Variants in PDIA5 observed in about 807,000 individuals in gnomAD.
The protein encoded by PDIA5 is protein disulfide-isomerase A5.
Under a neutral mutation model 77.6 loss-of-function variants are expected in PDIA5, and 58 were observed. The ratio of observed to expected loss-of-function variants is 0.75; its 90% CI spans 0.61 to 0.93. The LOEUF (loss-of-function observed/expected upper bound fraction) is 0.93, where lower values mean the gene tolerates loss of function less well. Ranked by LOEUF, PDIA5 falls within the 40% of genes least tolerant of loss-of-function variation. The pLI is 0.00. For missense variants in PDIA5, 630 were observed against 647.7 expected (o/e 0.97, Z 0.30); for synonymous variants, 250 against 252.1 (o/e 0.99, Z 0.08).
chr3:123,106,539 A>T (rs1319970229), intron 5 of PDIA5, among the ~76,000 whole-genome samples: 1 of 152,094 alleles, frequency 6.6e-6, no homozygotes, highest in Non-Finnish European at 1.5e-5. Flanking sequence ...GCCCGATGGG[A>T]GTGGTGGAGG....
chr3:123,148,448 A>G (rs1182860016), intron 13 of PDIA5, among the ~76,000 whole-genome samples: 2 of 152,062 alleles, frequency 1.3e-5, no homozygotes, highest in Non-Finnish European at 2.9e-5. Context: ...GTGCGCCTAT[A>G]GTCCCAGCAC....
intron 10 of PDIA5, 23 bp downstream of exon 10, chr3:123,124,366 A>G (rs956825341): frequency 1.3e-6 from 2 of 1,552,916 alleles, no homozygotes; most frequent in Admixed American, 3.3e-5. Context: ...TGTGTGTGTC[A>G]GTGGGCGTGG....
chr3:123,089,220 G>T lies in PDIA5; in HGVS notation c.95G>T (p.Arg32Ile). Residue 32 changes from arginine (R) to isoleucine (I), a missense_variant, in exon 2 of 17, where the codon AGA becomes ATA. Coordinates refer to ENST00000316218, the MANE Select transcript of PDIA5 (RefSeq NM_006810.4). Reference protein sequence around the residue: ...SSAKVSSLIERISDPKDLKKL... With the variant: ...SSAKVSSLIEIISDPKDLKKL... ...GCAAAGGTCTCCTCGCTCATTGAGAGAATCTCTGACCCCAAGGACTTGAAA... is the reference window on the plus strand; with the variant it reads ...GCAAAGGTCTCCTCGCTCATTGAGATAATCTCTGACCCCAAGGACTTGAAA... The T allele has an allele frequency of 6.2e-7, 1 of 1,613,998 alleles. No homozygotes were observed. Among genetic ancestry groups the T allele is most frequent in the Non-Finnish European group, 8.5e-7 (1 of 1,179,820 alleles).
Position 123,089,338 on chromosome 3 carries a change from A to G in PDIA5, c.169+44A>G, listed in dbSNP as rs200087501. The stretch of plus-strand genomic sequence containing the variant: ...CCTTGAGGTCAACCATCGGGGTAGG[A>G]TGGGATTCAGGGGAAGGAGTGGGAG... On this transcript the variant is annotated intron_variant, in intron 2 of 16. Coordinates refer to ENST00000316218, the MANE Select transcript of PDIA5 (RefSeq NM_006810.4). The G allele has an allele frequency of 1.0e-4, 164 of 1,603,320 alleles. No homozygotes were observed. In the East Asian group the frequency reaches 3.3e-3, roughly 33 times the overall value.
At chr3:123,131,192 C>T (rs1214808478) in intron 11 of PDIA5, among the ~76,000 whole-genome samples, 6 of 152,086 alleles carry the variant, frequency 3.9e-5, no homozygotes, top group Admixed American at 3.9e-4. Context: ...ATTGCTTGAG[C>T]CTGGGAGGTT....
intron 6 of PDIA5, among the ~76,000 whole-genome samples, chr3:123,107,622 G>A (rs537008341): frequency 3.6e-4 from 55 of 152,314 alleles, no homozygotes; most frequent in African/African-American, 1.3e-3. Flanking sequence ...ATGTGCATCC[G>A]TGTTTGTATG....
intron 6 of PDIA5, among the ~76,000 whole-genome samples, chr3:123,109,769 G>A (rs1246992144): frequency 1.3e-5 from 2 of 152,060 alleles, no homozygotes; most frequent in African/African-American, 4.8e-5. Context: ...AGGCTTTCAA[G>A]ATAATGTGTA....
At chr3:123,152,037 C>G (rs1576466316) in intron 14 of PDIA5, among the ~76,000 whole-genome samples, 1 of 141,828 alleles carries the variant, frequency 7.1e-6, no homozygotes, top group East Asian at 2.1e-4. Flanking sequence ...TCCTGCCTGC[C>G]TTCCTTCCTG....
intron 13 of PDIA5, among the ~76,000 whole-genome samples, chr3:123,148,933 G>A (rs1450207399): frequency 6.6e-6 from 1 of 152,254 alleles, no homozygotes; most frequent in Non-Finnish European, 1.5e-5. Context: ...GCATTTACAG[G>A]CAGGTGCATA....
chr3:123,101,906 C>CCTTTTTT (rs1553798314), intron 3 of PDIA5, among the ~76,000 whole-genome samples: 1 of 71,378 alleles, frequency 1.4e-5, no homozygotes, highest in South Asian at 7.2e-4. Context: ...TTCTTTCTTG[C>CCTTTTTT]TTTTTTTTTT....
At chr3:123,111,206 A>G (rs1934856182) in intron 7 of PDIA5, among the ~76,000 whole-genome samples, 2 of 152,078 alleles carry the variant, frequency 1.3e-5, no homozygotes, top group Admixed American at 1.3e-4. Flanking sequence ...TCTGCCCTGC[A>G]TTCTGTCTCC....
chr3:123,150,475 C>T, intron 14 of PDIA5, 111 bp downstream of exon 14: 2 of 991,782 alleles, frequency 2.0e-6, no homozygotes, highest in Non-Finnish European at 3.0e-6. Flanking sequence ...TGATGGATCC[C>T]AGGGTCATCT....
chr3:123,144,275 A>G (rs1935708070), intron 11 of PDIA5, among the ~76,000 whole-genome samples: 1 of 152,134 alleles, frequency 6.6e-6, no homozygotes, highest in Non-Finnish European at 1.5e-5. Context: ...TAGTAGAATT[A>G]TAGCGTTCTC....
At chr3:123,084,846 G>A (rs1454867953) in intron 1 of PDIA5, among the ~76,000 whole-genome samples, 1 of 152,124 alleles carries the variant, frequency 6.6e-6, no homozygotes, top group African/African-American at 2.4e-5. Flanking sequence ...CACCCAGCAG[G>A]GCCCTCCACC....
rs1161086304 is a variant in PDIA5, at chr3:123,073,940, C to G, written c.42+6734C>G. Reference sequence around the variant, plus strand: ...CTTAAACATAAAGGTGATCCAGTATCTGAGCCCAGATGTGGGCCTGGTAGG... The same window carrying G: ...CTTAAACATAAAGGTGATCCAGTATGTGAGCCCAGATGTGGGCCTGGTAGG... On this transcript the variant is annotated intron_variant, in intron 1 of 16. Transcript: ENST00000316218. 2.0e-5 allele frequency among the ~76,000 whole-genome samples: 3 copies of G among 152,344 alleles called. No individual in the cohort carries two copies. The East Asian group carries it at 5.8e-4, about 29-fold the overall frequency.
rs775339159 is a variant in PDIA5 at position 123,116,315 on chromosome 3, T to A, written c.609+17T>A. 1.2e-6 allele frequency: 2 copies of A among 1,604,136 alleles called. No individual in the cohort carries two copies. The highest frequency in any genetic ancestry group is 2.2e-5 in the East Asian group (1 of 44,768). ...GGCCACGCCGTAAGTGAGGCGCCATTGCCTGGCAGGGCTGGGTCACTCTTG... is the reference window on the plus strand; with the variant it reads ...GGCCACGCCGTAAGTGAGGCGCCATAGCCTGGCAGGGCTGGGTCACTCTTG... On this transcript the variant is annotated intron_variant, in intron 8 of 16. Transcript: ENST00000316218.
At chr3:123,142,897 C>T (rs1312747485) in intron 11 of PDIA5, among the ~76,000 whole-genome samples, 2 of 152,214 alleles carry the variant, frequency 1.3e-5, no homozygotes, top group African/African-American at 4.8e-5. Flanking sequence ...AACTTGCCCA[C>T]ATGTGTCCTT....
At chr3:123,094,376 A>C (rs730986) in intron 3 of PDIA5, among the ~76,000 whole-genome samples, 8,167 of 152,332 alleles carry the variant, frequency 0.054, 369 homozygotes, top group African/African-American at 0.13. Flanking sequence ...ATCTTTCTGG[A>C]GTAGCCCAAG....
chr3:123,150,449 G>A (rs1046128266), intron 14 of PDIA5, 85 bp downstream of exon 14: 12 of 1,355,848 alleles, frequency 8.9e-6, no homozygotes, highest in Non-Finnish European at 1.1e-5. Flanking sequence ...CCCACCCCAG[G>A]GACCAAGGCA....
Sources: gnomAD v4.1 joint callset for allele counts (sites outside exome capture counted in the v4.1 genomes callset) on GRCh38, gnomAD v4.1.1 for gene constraint, MANE v1.5 for transcripts, NCBI Gene and HGNC (gene_info 2026-07-23, HGNC 2026-07-21) for gene names.